CHAD: variants seen among roughly 807,000 people sequenced by gnomAD.
CHAD encodes the protein cartilage leucine-rich protein.
In CHAD, 18 loss-of-function variants were observed where a neutral mutation model predicts 24.0. The ratio of observed to expected loss-of-function variants is 0.75; its 90% CI spans 0.52 to 1.11. The LOEUF (loss-of-function observed/expected upper bound fraction) is 1.11. CHAD is among the 50% of genes most tolerant of loss of function. The pLI is 0.00. For synonymous variants in CHAD, 195 were observed against 211.6 expected (o/e 0.92, Z 0.68); for missense variants, 440 against 467.2 (o/e 0.94, Z 0.54).
At chr17:50,465,201 C>G in intron 3 of CHAD, 93 bp downstream of exon 3, 1 of 1,480,770 alleles carries the variant, frequency 6.8e-7, no homozygotes, top group Non-Finnish European at 9.2e-7. Context: ...GTCTGCCTGA[C>G]CCTCCAGGGC....
At chr17:50,466,368 C>T (rs1317693398) in intron 1 of CHAD, among the ~76,000 whole-genome samples, 1 of 152,138 alleles carries the variant, frequency 6.6e-6, no homozygotes, top group South Asian at 2.1e-4. Flanking sequence ...GGATTACAGG[C>T]GTGAGCCACC....
At chr17:50,466,559 C>G (rs1044882587) in intron 1 of CHAD, among the ~76,000 whole-genome samples, 33 of 152,302 alleles carry the variant, frequency 2.2e-4, no homozygotes, top group African/African-American at 7.7e-4. Flanking sequence ...GAGTTTGGCC[C>G]CAGCAATCCA....
chr17:50,465,195 G>C (rs1428802377), intron 3 of CHAD, 99 bp downstream of exon 3: 2 of 1,427,506 alleles, frequency 1.4e-6, no homozygotes, highest in Non-Finnish European at 1.9e-6. Context: ...TGGAGGGTCT[G>C]CCTGACCCTC....
At position 50,468,620 on chromosome 17, in the gene CHAD, AC is replaced by A; in HGVS notation, c.193del (p.Val65CysfsTer58). Reference protein sequence around the residue: ...LLNLQRNNFPVLAANSFRAMP... With the variant: ...LLNLQRNNFPXLAANSFRAMP... ...GGCCCGGAACGAATTGGCAGCCAGCACCGGGAAGTTGTTGCGCTGTAGGTTG... is the reference window on the plus strand; with the variant it reads ...GGCCCGGAACGAATTGGCAGCCAGCACGGGAAGTTGTTGCGCTGTAGGTTG... On this transcript the variant is annotated frameshift_variant, in exon 1 of 4. Coordinates refer to ENST00000508540, the MANE Select transcript of CHAD (RefSeq NM_001267.3). LOFTEE classifies it high-confidence loss of function. 1.2e-6 allele frequency: 2 copies of A among 1,614,222 alleles called. No homozygotes were observed. The highest frequency in any genetic ancestry group is 1.7e-6 in the Non-Finnish European group (2 of 1,180,028).
chr17:50,465,847 A>T lies in CHAD; in HGVS notation c.798T>A (p.Gly266=). The part of the protein sequence containing the change: ...LEKFSDGAFL[G]VTTLKHVHLE... ...AATGGACGTGTTTCAGCGTGGTTAC[A>T]CCCAGGAAGGCACCATCTGAGAACT... is the stretch of plus-strand genomic sequence containing the variant. Residue 266 remains glycine (G), a synonymous_variant, in exon 2 of 4, where the codon GGT becomes GGA. Coordinates refer to ENST00000508540, the MANE Select transcript of CHAD (RefSeq NM_001267.3). The T allele has an allele frequency of 6.2e-7, 1 of 1,613,774 alleles. No individual in the cohort carries two copies. The highest frequency in any genetic ancestry group is 8.5e-7 in the Non-Finnish European group (1 of 1,179,940).
chr17:50,464,664 GGATCTGAT>G lies in CHAD; in HGVS notation c.*382_*389del. On this transcript the variant is annotated 3_prime_UTR_variant, in exon 4 of 4. Coordinates refer to ENST00000508540, the MANE Select transcript of CHAD (RefSeq NM_001267.3). ...TTTCTGGAAGCAAGGGGTGGGGCAA[GGATCTGAT>G]GATTGTTTCCACGTGGCAGGGAAAG... The G allele has an allele frequency of 2.1e-6, 1 of 469,938 alleles. No homozygotes were observed. The highest frequency in any genetic ancestry group is 4.2e-6 in the Non-Finnish European group (1 of 237,404). The allele number at this position is 469,938 out of a possible 1,614,324, so 29.1% of individuals were successfully genotyped here. A position where few individuals can be genotyped will look rare whatever the true frequency, so the allele number is the denominator to read the frequency against.
rs139263357 is a variant in CHAD at position 50,465,822 on chromosome 17, A to G, written c.823T>C (p.Leu275=). The part of the protein sequence containing the change: ...LGVTTLKHVH[L]ENNRLNQLPS... ...AGCTGGTTCAAGCGGTTGTTCTCCA[A>G]ATGGACGTGTTTCAGCGTGGTTACA... The change falls in exon 2 of 4, where the codon TTG becomes CTG. Residue 275 remains leucine, a synonymous_variant. Coordinates refer to ENST00000508540, the MANE Select transcript of CHAD (RefSeq NM_001267.3). 55 of 1,613,802 alleles carry G rather than the reference A, an allele frequency of 3.4e-5. No individual in the cohort carries two copies. Among genetic ancestry groups the G allele is most frequent in the East Asian group, 6.7e-5 (3 of 44,852 alleles).
In CHAD at chr17:50,464,672, T is replaced by C. The variant is rs1323194288; in HGVS notation, c.*382A>G. 1.5e-5 allele frequency: 7 copies of C among 461,778 alleles called. No homozygotes were observed. The highest frequency in any genetic ancestry group is 1.4e-4 in the Admixed American group (6 of 42,082). The allele number at this position is 461,778 out of a possible 1,614,324, so 28.6% of individuals were successfully genotyped here. ...AGCAAGGGGTGGGGCAAGGATCTGA[T>C]GATTGTTTCCACGTGGCAGGGAAAG... On this transcript the variant is annotated 3_prime_UTR_variant, in exon 4 of 4. Coordinates refer to ENST00000508540, the MANE Select transcript of CHAD (RefSeq NM_001267.3).
At position 50,468,192 on chromosome 17, in the gene CHAD, A is replaced by T; in HGVS notation, c.622T>A (p.Ser208Thr). The T allele has an allele frequency of 6.2e-7, 1 of 1,614,000 alleles. No homozygotes were observed. Among genetic ancestry groups the T allele is most frequent in the East Asian group, 2.2e-5 (1 of 44,872 alleles). Reference protein sequence around the residue: ...AKFHVDRNQLSSYPSAALSKL... With the variant: ...AKFHVDRNQLTSYPSAALSKL... ...CTCAGGGCAGCTGAGGGGTAGCTGGACAGCTGGTTCCTGTCCACGTGGAAT... is the reference window on the plus strand; with the variant it reads ...CTCAGGGCAGCTGAGGGGTAGCTGGTCAGCTGGTTCCTGTCCACGTGGAAT... The change falls in exon 1 of 4, where the codon TCC (serine) becomes ACC (threonine). Residue 208 changes from serine (S) to threonine (T), a missense_variant. By Grantham distance (58) the Ser-to-Thr change is moderately conservative (BLOSUM62 1). Transcript: ENST00000508540.
At position 50,467,941 on chromosome 17, in the gene CHAD, A is replaced by C. The variant is rs1300954833; in HGVS notation, c.774+99T>G. ...CTTGGAGATAGCCAGAGGGACAGGGAACCTGGGGACGGGGGATGGTGCCAG... is the reference window on the plus strand; with the variant it reads ...CTTGGAGATAGCCAGAGGGACAGGGCACCTGGGGACGGGGGATGGTGCCAG... On this transcript the variant is annotated intron_variant, in intron 1 of 3. Transcript: ENST00000508540. 1.2e-5 allele frequency: 15 copies of C among 1,297,292 alleles called. 1 individual carries two copies. The highest frequency in any genetic ancestry group is 1.0e-4 in the South Asian group (7 of 66,774). 80.4% of individuals were successfully genotyped at this position (1,297,292 alleles called of 1,614,324 possible).
chr17:50,467,786 G>T (rs1362679601), intron 1 of CHAD: 6 of 412,570 alleles, frequency 1.5e-5, no homozygotes, highest in East Asian at 1.1e-4. Flanking sequence ...GGGGCCTTTT[G>T]TGGGGCCAGG....
Position 50,468,565 on chromosome 17 carries a change from C to A in CHAD, c.249G>T (p.Gln83His), listed in dbSNP as rs201158957. The A allele has an allele frequency of 9.4e-5, 151 of 1,614,232 alleles. No individual in the cohort carries two copies. In the East Asian group the frequency reaches 3.3e-3, roughly 36 times the overall value. ...AMPNLVSLHLQHCQIREVAAG... is the reference protein window; with the variant it reads ...AMPNLVSLHLHHCQIREVAAG... ...CGGCCACCTCGCGGATCTGGCAGTG[C>A]TGCAGGTGCAATGACACGAGGTTCG... The change falls in exon 1 of 4, where the codon CAG (glutamine) becomes CAT (histidine). Residue 83 changes from glutamine (Q) to histidine (H), a missense_variant. Transcript: ENST00000508540.
rs756421251 is a variant in CHAD, at chr17:50,465,795, G to C, written c.850C>G (p.Pro284Ala). 1 of 1,613,872 alleles carries C rather than the reference G, an allele frequency of 6.2e-7. No individual in the cohort carries two copies. The highest frequency in any genetic ancestry group is 8.5e-7 in the Non-Finnish European group (1 of 1,179,984). ...HLENNRLNQL[P>A]SNFPFDSLET... ...AGGCTGTCGAAGGGGAAGTTGGAGG[G>C]TAGCTGGTTCAAGCGGTTGTTCTCC... Residue 284 changes from proline to alanine, a missense_variant, in exon 2 of 4, where the codon CCC becomes GCC. Pro to Ala is a conservative substitution (Grantham distance 27). Coordinates refer to ENST00000508540, the MANE Select transcript of CHAD (RefSeq NM_001267.3).
intron 1 of CHAD, 61 bp downstream of exon 1, chr17:50,467,979 C>T (rs1057297903): frequency 3.3e-6 from 5 of 1,494,562 alleles, no homozygotes; most frequent in Non-Finnish European, 4.5e-6. Context: ...GTGGCCCTGG[C>T]TCCTGGGGCC....
rs1443406779 is a variant in CHAD, at chr17:50,464,779, G to GGGT, written c.*274_*275insACC. On this transcript the variant is annotated 3_prime_UTR_variant, in exon 4 of 4. Transcript: ENST00000508540. Reference sequence around the variant, plus strand: ...TGGTTCTGATTGACTTGGGGGGGGGGTCTCAGCAACAGCTTCTCCAAGAGG... The same window carrying GGGT: ...TGGTTCTGATTGACTTGGGGGGGGGGGGTTCTCAGCAACAGCTTCTCCAAGAGG... 4.2e-5 allele frequency: 11 copies of GGGT among 259,806 alleles called. No individual in the cohort carries two copies. Among genetic ancestry groups the GGGT allele is most frequent in the East Asian group, 9.0e-5 (1 of 11,078 alleles). The allele number at this position is 259,806 out of a possible 1,614,324, so 16.1% of individuals were successfully genotyped here.
intron 1 of CHAD, 38 bp from the exon 2 acceptor site, chr17:50,465,908 G>T (rs2032678418): frequency 1.9e-6 from 3 of 1,612,028 alleles, no homozygotes; most frequent in Non-Finnish European, 2.5e-6. Context: ...GAGCAAGGTG[G>T]TCATGAGTGA....
intron 2 of CHAD, 67 bp from the exon 3 acceptor site, chr17:50,465,506 C>T: frequency 6.3e-7 from 1 of 1,581,502 alleles, no homozygotes; most frequent in African/African-American, 1.4e-5. Flanking sequence ...GGGCAGTGAA[C>T]TATGGGGCCA....
Position 50,465,829 on chromosome 17 carries a change from G to A in CHAD, c.816C>T (p.His272=), listed in dbSNP as rs771939138. ...GAFLGVTTLK[H]VHLENNRLNQ... is the part of the protein sequence containing the mutation. ...TCAAGCGGTTGTTCTCCAAATGGAC[G>A]TGTTTCAGCGTGGTTACACCCAGGA... The change falls in exon 2 of 4, where the codon CAC becomes CAT. Residue 272 remains histidine, a synonymous_variant. Transcript: ENST00000508540. The A allele has an allele frequency of 5.6e-6, 9 of 1,613,766 alleles. No individual in the cohort carries two copies. Among genetic ancestry groups the A allele is most frequent in the Middle Eastern group, 1.6e-4 (1 of 6,082 alleles).
At chr17:50,465,487 T>TG (rs1221094944) in intron 2 of CHAD, 48 bp from the exon 3 acceptor site, 1 of 1,605,748 alleles carries the variant, frequency 6.2e-7, no homozygotes, top group Non-Finnish European at 8.5e-7. Flanking sequence ...GTGGGAGTGC[T>TG]GGGGGGAAGG....
Sources: gnomAD v4.1 joint callset for allele counts (sites outside exome capture counted in the v4.1 genomes callset) on GRCh38, gnomAD v4.1.1 for gene constraint, MANE v1.5 for transcripts, NCBI Gene and HGNC (gene_info 2026-07-23, HGNC 2026-07-21) for gene names.